Variants in SLC28A3 observed in about 807,000 individuals in gnomAD.
SLC28A3 encodes concentrative Na(+)-nucleoside cotransporter 3.
SLC28A3 carries 68 observed loss-of-function variants against 84.2 expected under a neutral mutation model. The ratio of observed to expected loss-of-function variants is 0.81; its 90% CI spans 0.66 to 0.99. The LOEUF is 0.99. Among genes scored for constraint, SLC28A3 ranks in the 50% least tolerant of loss-of-function variants. SLC28A3 has a pLI of 0.00. For synonymous variants in SLC28A3, 267 were observed against 303.6 expected, an observed-to-expected ratio of 0.88 and a Z score of 1.25; for missense variants, 712 against 841.5, an observed-to-expected ratio of 0.85 and a Z score of 1.90.
chr9:84,301,740 T>C (rs1053887596), intron 5 of SLC28A3, among the ~76,000 whole-genome samples: 5 of 152,204 alleles, frequency 3.3e-5, no homozygotes, highest in African/African-American at 1.2e-4. Context: ...ATTTGTGTTG[T>C]TCCCTATCTT....
At chr9:84,295,157 G>A (rs1169167549) in intron 8 of SLC28A3, among the ~76,000 whole-genome samples, 1 of 152,030 alleles carries the variant, frequency 6.6e-6, no homozygotes, top group Non-Finnish European at 1.5e-5. Context: ...AAGTCAATAG[G>A]GGTCTGTCAT....
chr9:84,338,954 T>C (rs967673065), intron 1 of SLC28A3, among the ~76,000 whole-genome samples: 1 of 152,098 alleles, frequency 6.6e-6, no homozygotes, highest in African/African-American at 2.4e-5. Flanking sequence ...TATTGATATT[T>C]CCCTTGCACA....
intron 5 of SLC28A3, 34 bp from the exon 6 acceptor site, chr9:84,299,759 T>C (rs1270581639): frequency 6.4e-7 from 1 of 1,552,188 alleles, no homozygotes; most frequent in East Asian, 2.3e-5. Context: ...TTGGCATCAT[T>C]TGTTGTGCTA....
At position 84,307,132 on chromosome 9, in the gene SLC28A3, C is replaced by CAAAAAA. The variant is rs34204820; in HGVS notation, c.243-1793_243-1788dup. On this transcript the variant is annotated intron_variant, in intron 3 of 17. Transcript: ENST00000376238. Reference sequence around the variant, plus strand: ...TTGTGTCACTGCACCCCGTCTCAACCAAAAAAAAAAAAAAAAGGCCAGGCG... The same window carrying CAAAAAA: ...TTGTGTCACTGCACCCCGTCTCAACCAAAAAAAAAAAAAAAAAAAAAAGGCCAGGCG... 8.4e-5 allele frequency among the ~76,000 whole-genome samples: 10 copies of CAAAAAA among 119,646 alleles called. 1 individual carries two copies. Among genetic ancestry groups the CAAAAAA allele is most frequent in the African/African-American group, 6.1e-5 (2 of 32,736 alleles). 78.5% of individuals were successfully genotyped at this position (119,646 alleles called of 152,430 possible). A position where few individuals can be genotyped will look rare whatever the true frequency, so the allele number is the denominator to read the frequency against.
intron 1 of SLC28A3, among the ~76,000 whole-genome samples, chr9:84,323,573 T>C (rs1346493144): frequency 1.3e-5 from 2 of 151,980 alleles, no homozygotes; most frequent in Admixed American, 6.6e-5. Flanking sequence ...TACAGGCGTG[T>C]GCCACTGTGC....
At chr9:84,302,128 CA>C in intron 5 of SLC28A3, 71 bp downstream of exon 5, 1 of 1,479,604 alleles carries the variant, frequency 6.8e-7, no homozygotes, top group South Asian at 1.3e-5. Context: ...AATTTCAGAA[CA>C]AATTTTTGAA....
chr9:84,329,334 T>C (rs533413220), intron 1 of SLC28A3, among the ~76,000 whole-genome samples: 1 of 152,214 alleles, frequency 6.6e-6, no homozygotes, highest in Admixed American at 6.5e-5. Context: ...AGTAAGAAAA[T>C]ACAAGAATTG....
the SLC28A3 span, among the ~76,000 whole-genome samples, chr9:84,368,717 G>A: frequency 1.3e-5 from 2 of 152,004 alleles, no homozygotes; most frequent in Non-Finnish European, 2.9e-5. Context: ...GAAGGAAGGA[G>A]TGTCTTATGC....
rs748221995 is a variant in SLC28A3, at chr9:84,278,243, C to CAGTT, written c.2047_2050dup (p.Cys684Ter). ...TCAAAATGTATTAGAGATCCCATTG[C>CAGTT]AGTTAAAGGTCGATGGATTCAACAA... On this transcript the variant is annotated stop_gained and frameshift_variant, in exon 18 of 18. Coordinates refer to ENST00000376238, the MANE Select transcript of SLC28A3 (RefSeq NM_001199633.2). LOFTEE classifies it high-confidence loss of function. The CAGTT allele has an allele frequency of 3.7e-6, 6 of 1,613,848 alleles. No individual in the cohort carries two copies. The highest frequency in any genetic ancestry group is 5.1e-6 in the Non-Finnish European group (6 of 1,179,950).
chr9:84,347,561 G>A, the SLC28A3 span, among the ~76,000 whole-genome samples: 1 of 152,114 alleles, frequency 6.6e-6, no homozygotes, highest in East Asian at 1.9e-4. Context: ...CACAAGCAAA[G>A]TATATGCAAA....
chr9:84,345,188 C>T (rs1056387117), upstream of SLC28A3, among the ~76,000 whole-genome samples: 3 of 151,662 alleles, frequency 2.0e-5, no homozygotes, highest in African/African-American at 7.3e-5. Context: ...ATTAGTTCTT[C>T]CCCATCATTG....
chr9:84,305,451 C>G lies in SLC28A3; in HGVS notation c.243-106G>C, dbSNP rs1423008610. The G allele has an allele frequency of 4.5e-6, 4 of 898,490 alleles. No homozygotes were observed. In the East Asian group the frequency reaches 9.9e-5, roughly 22 times the overall value. 55.7% of individuals were successfully genotyped at this position (898,490 alleles called of 1,614,324 possible). On this transcript the variant is annotated intron_variant, in intron 3 of 17. Transcript: ENST00000376238. Reference sequence around the variant, plus strand: ...TTTGTAAACTAAGAAGGCAAACAAACACATGTGTGAGGCGTATGTCTTACA... The same window carrying G: ...TTTGTAAACTAAGAAGGCAAACAAAGACATGTGTGAGGCGTATGTCTTACA...
intron 12 of SLC28A3, among the ~76,000 whole-genome samples, chr9:84,287,398 T>C (rs1204178141): frequency 6.6e-6 from 1 of 152,152 alleles, no homozygotes; most frequent in Non-Finnish European, 1.5e-5. Flanking sequence ...TTTTTTTTCT[T>C]TTTCACAGAG....
At chr9:84,279,466 G>A in intron 16 of SLC28A3, 81 bp from the exon 17 acceptor site, 2 of 1,102,796 alleles carry the variant, frequency 1.8e-6, no homozygotes, top group Non-Finnish European at 1.2e-6. Context: ...TTTAGAGACA[G>A]AGTCTTGCGC....
chr9:84,283,504 A>G (rs1180840238), intron 14 of SLC28A3, among the ~76,000 whole-genome samples: 1 of 152,256 alleles, frequency 6.6e-6, no homozygotes, highest in African/African-American at 2.4e-5. Flanking sequence ...ACAAGGTTAA[A>G]AACAGTGAGT....
intron 5 of SLC28A3, among the ~76,000 whole-genome samples, chr9:84,300,160 T>C (rs1825573481): frequency 6.6e-6 from 1 of 152,224 alleles, no homozygotes. Flanking sequence ...AGGTTGTGCG[T>C]TTAGAAACTG....
At chr9:84,312,764 C>A (rs1826034425) in intron 2 of SLC28A3, among the ~76,000 whole-genome samples, 1 of 152,086 alleles carries the variant, frequency 6.6e-6, no homozygotes, top group Non-Finnish European at 1.5e-5. Context: ...GTCTTGAACT[C>A]CTGACCTCAA....
At chr9:84,349,855 T>C in the SLC28A3 span, among the ~76,000 whole-genome samples, 1 of 152,180 alleles carries the variant, frequency 6.6e-6, no homozygotes, top group African/African-American at 2.4e-5. Context: ...CTGGAAGATT[T>C]CCAGAGATGA....
chr9:84,309,083 C>T (rs1402412677), intron 3 of SLC28A3, among the ~76,000 whole-genome samples: 1 of 152,128 alleles, frequency 6.6e-6, no homozygotes, highest in Non-Finnish European at 1.5e-5. Context: ...TTTAAATCTG[C>T]ATATTGGGTT....
Sources: gnomAD v4.1 joint callset for allele counts (sites outside exome capture counted in the v4.1 genomes callset) on GRCh38, gnomAD v4.1.1 for gene constraint, MANE v1.5 for transcripts, NCBI Gene and HGNC (gene_info 2026-07-23, HGNC 2026-07-21) for gene names.